Variants in AGAP1 observed in about 807,000 individuals in gnomAD.
AGAP1 encodes the protein arf-GAP with GTPase, ANK repeat and PH domain-containing protein 1.
Under a neutral mutation model 105.3 loss-of-function variants are expected in AGAP1, and 29 were observed. The ratio of observed to expected loss-of-function variants is 0.28; its 90% CI spans 0.21 to 0.38. The LOEUF (loss-of-function observed/expected upper bound fraction) is 0.38, where lower values mean the gene tolerates loss of function less well. AGAP1 is among the 10% of genes least tolerant of loss of function. The probability of loss-of-function intolerance (pLI) is 1.00; values close to 1 mark genes in which losing one functional copy is unlikely to be tolerated. For missense variants in AGAP1, 998 were observed against 1,165.1 expected, an observed-to-expected ratio of 0.86 and a Z score of 2.09; for synonymous variants, 509 against 485.9, an observed-to-expected ratio of 1.05 and a Z score of -0.63.
chr2:235,886,655 A>C (rs551487191), intron 10 of AGAP1, among the ~76,000 whole-genome samples: 2 of 152,190 alleles, frequency 1.3e-5, no homozygotes, highest in Non-Finnish European at 2.9e-5. Context: ...AGCCAATGTC[A>C]TTTTCAAATG....
intron 9 of AGAP1, among the ~76,000 whole-genome samples, chr2:235,851,447 G>A (rs1173365363): frequency 2.0e-5 from 3 of 152,228 alleles, no homozygotes; most frequent in South Asian, 2.1e-4. Flanking sequence ...GTCCACCAAC[G>A]CACCATGTGC....
rs2057389222 is a variant in AGAP1, at chr2:236,036,575, T to G, written c.1660T>G (p.Phe554Val). The G allele has an allele frequency of 6.2e-7, 1 of 1,613,986 alleles. No individual in the cohort carries two copies. Residue 554 changes from phenylalanine (F) to valine (V), a missense_variant, in exon 14 of 18, where the codon TTT (phenylalanine) becomes GTT (valine). Around this residue, in one of 3 missense-constraint regions of AGAP1, gnomAD observed 735 missense variants for 833.4 expected, o/e 0.88. Transcript: ENST00000304032. The surrounding 1 kb of genome is among the most constrained non-coding windows in gnomAD (Gnocchi z 5.7). Reference sequence around the variant, plus strand: ...CTGTGTTTCAGAACAAGAAGAAAATTTTGAGTTTATCATTGTGTCCCTCAC... The same window carrying G: ...CTGTGTTTCAGAACAAGAAGAAAATGTTGAGTTTATCATTGTGTCCCTCAC... ...SGTAEEQEEN[F>V]EFIIVSLTGQ...
chr2:235,676,823 AAGTTAT>A (rs1275941866), intron 1 of AGAP1, among the ~76,000 whole-genome samples: 2 of 152,222 alleles, frequency 1.3e-5, no homozygotes, highest in African/African-American at 4.8e-5. Flanking sequence ...TAATGAAAAA[AAGTTAT>A]AGTTATTGAG....
At chr2:235,537,497 A>C (rs941309614) in intron 1 of AGAP1, among the ~76,000 whole-genome samples, 3 of 152,178 alleles carry the variant, frequency 2.0e-5, no homozygotes, top group South Asian at 2.1e-4. Context: ...TTGCTCAGGC[A>C]GTGGGGAGAG....
chr2:235,951,304 C>T lies in AGAP1; in HGVS notation c.1484-17158C>T, dbSNP rs2053727745. Among the ~76,000 whole-genome samples the T allele has an allele frequency of 6.6e-6, 1 of 152,138 alleles. No homozygotes were observed. The highest frequency in any genetic ancestry group is 1.5e-5 in the Non-Finnish European group (1 of 68,034). ...CCCAAGTAGAATACTCGATCGATGT[C>T]CACAGCACATTCAAATTATCTTTCA... is the stretch of plus-strand genomic sequence containing the variant. On this transcript the variant is annotated intron_variant, in intron 12 of 17. Transcript: ENST00000304032. This position sits in a 1 kb window ranked among gnomAD's most constrained non-coding sequence, Gnocchi z 4.2.
At chr2:236,041,164 C>T (rs1360211862) in intron 15 of AGAP1, among the ~76,000 whole-genome samples, 1 of 151,968 alleles carries the variant, frequency 6.6e-6, no homozygotes, top group South Asian at 2.1e-4. Flanking sequence ...GAATTCAAGA[C>T]GAGCCTGGGC....
rs372311210 is a variant in AGAP1 at position 236,040,832 on chromosome 2, G to A, written c.1882G>A (p.Glu628Lys). The A allele has an allele frequency of 4.6e-5, 75 of 1,614,054 alleles. No individual in the cohort carries two copies. Among genetic ancestry groups the A allele is most frequent in the African/African-American group, 1.1e-4 (8 of 74,924 alleles). Residue 628 changes from glutamate (E) to lysine (K), a missense_variant, in exon 15 of 18, where the codon GAG becomes AAG. Around this residue, in one of 3 missense-constraint regions of AGAP1, gnomAD observed 28 missense variants for 61.0 expected, o/e 0.46. Transcript: ENST00000304032. This position sits in a 1 kb window ranked among gnomAD's most constrained non-coding sequence, Gnocchi z 5.6. ...CGGGAACTCCCACTGTGTGGACTGC[G>A]AGACCCAGAGTAAGTGTGTGCGGTG... ...MRGNSHCVDC[E>K]TQNPNWASLN...
chr2:235,808,138 CT>C (rs1957939923), intron 9 of AGAP1, among the ~76,000 whole-genome samples: 1 of 152,102 alleles, frequency 6.6e-6, no homozygotes, highest in African/African-American at 2.4e-5. Flanking sequence ...ACAGTGGCTT[CT>C]GAAATGTCAT....
rs189504216 is a variant in AGAP1 at position 235,829,298 on chromosome 2, C to G, written c.1050+21967C>G. ...GTGGCCGTTGTCAGAATTCCACTTT[C>G]GTCATCAAGGATTCATTTTCTTTAT... On this transcript the variant is annotated intron_variant, in intron 9 of 17. Coordinates refer to ENST00000304032, the MANE Select transcript of AGAP1 (RefSeq NM_001037131.3). Among the ~76,000 whole-genome samples, 8 of 152,342 alleles carry G rather than the reference C, an allele frequency of 5.3e-5. No individual in the cohort carries two copies. In the East Asian group the frequency reaches 1.5e-3, roughly 29 times the overall value.
rs1328829933 is a variant in AGAP1, at chr2:235,689,923, T to C, written c.164-19256T>C. On this transcript the variant is annotated intron_variant, in intron 1 of 17. Transcript: ENST00000304032. The surrounding 1 kb of genome is among the most constrained non-coding windows in gnomAD (Gnocchi z 4.2). ...AACCTATAGTGTCATTTGTGGTATT[T>C]TTTTTTTTAAATACTGCTTTTGTTT... Among the ~76,000 whole-genome samples the C allele has an allele frequency of 6.6e-6, 1 of 152,212 alleles. No individual in the cohort carries two copies. The highest frequency in any genetic ancestry group is 2.4e-5 in the African/African-American group (1 of 41,452).
intron 1 of AGAP1, among the ~76,000 whole-genome samples, chr2:235,545,254 G>A (rs150735938): frequency 6.6e-6 from 1 of 152,198 alleles, no homozygotes; most frequent in African/African-American, 2.4e-5. Flanking sequence ...GTTGAAAATA[G>A]CGTTAAGTGT....
intron 1 of AGAP1, among the ~76,000 whole-genome samples, chr2:235,511,958 G>T (rs1460770067): frequency 6.6e-6 from 1 of 151,394 alleles, no homozygotes; most frequent in Non-Finnish European, 1.5e-5. Flanking sequence ...GTGAATGTGT[G>T]TGTAAAGGTG....
chr2:235,702,934 G>GTTTTTTTTTTTTTTTTTTTTTTTTTTTTT lies in AGAP1; in HGVS notation c.164-6233_164-6232insTTTTTTTTTTTTTTTTTTTTTTTTTTTTT, dbSNP rs549844265. Among the ~76,000 whole-genome samples the GTTTTTTTTTTTTTTTTTTTTTTTTTTTTT allele has an allele frequency of 1.2e-3, 108 of 88,938 alleles. 24 individuals carry two copies. Among genetic ancestry groups the GTTTTTTTTTTTTTTTTTTTTTTTTTTTTT allele is most frequent in the East Asian group, 0.012 (20 of 1,734 alleles). The allele number at this position is 88,938 out of a possible 152,430, so 58.3% of individuals were successfully genotyped here. ...TGGTCACTGTGAGCCAGTTTTCTTG[G>GTTTTTTTTTTTTTTTTTTTTTTTTTTTTT]TTTTTTTTTTTTGGACAGAGTCTGG... is the stretch of plus-strand genomic sequence containing the variant. On this transcript the variant is annotated intron_variant, in intron 1 of 17. Transcript: ENST00000304032.
At position 236,121,773 on chromosome 2, in the gene AGAP1, G is replaced by C. The variant is rs75639964; in HGVS notation, c.2370+1326G>C. Among the ~76,000 whole-genome samples, 2,214 of 152,314 alleles carry C rather than the reference G, an allele frequency of 0.015. 140 individuals carry two copies. In the East Asian group the frequency reaches 0.18, roughly 12 times the overall value. On this transcript the variant is annotated intron_variant, in intron 17 of 17. Coordinates refer to ENST00000304032, the MANE Select transcript of AGAP1 (RefSeq NM_001037131.3). The surrounding 1 kb of genome is among the most constrained non-coding windows in gnomAD (Gnocchi z 4.9). ...CCATAACAAAATACCACAGACAGGGGTGCTTCAACAACAGACATTTATTTT... is the reference window on the plus strand; with the variant it reads ...CCATAACAAAATACCACAGACAGGGCTGCTTCAACAACAGACATTTATTTT...
chr2:236,033,298 G>A (rs2057282456), intron 13 of AGAP1, among the ~76,000 whole-genome samples: 1 of 152,126 alleles, frequency 6.6e-6, no homozygotes, highest in Non-Finnish European at 1.5e-5. Flanking sequence ...CCACTGTAGG[G>A]AGCACATTTA....
intron 1 of AGAP1, among the ~76,000 whole-genome samples, chr2:235,573,368 G>T (rs1484534703): frequency 6.6e-6 from 1 of 151,906 alleles, no homozygotes; most frequent in Non-Finnish European, 1.5e-5. Flanking sequence ...GTGTGTCCCT[G>T]CACCCGGCTG....
chr2:235,762,581 A>G (rs1050142813), intron 6 of AGAP1, among the ~76,000 whole-genome samples: 11 of 152,272 alleles, frequency 7.2e-5, no homozygotes, highest in African/African-American at 2.4e-4. Flanking sequence ...CCTAAGAGAA[A>G]AATAGGCCAG....
At chr2:236,028,580 C>T (rs1287646948) in intron 13 of AGAP1, among the ~76,000 whole-genome samples, 2 of 152,130 alleles carry the variant, frequency 1.3e-5, no homozygotes, top group Non-Finnish European at 2.9e-5. Flanking sequence ...ATATCTTGCC[C>T]ATTTGCCAAC....
intron 1 of AGAP1, among the ~76,000 whole-genome samples, chr2:235,651,575 A>C (rs1363692807): frequency 6.6e-6 from 1 of 152,198 alleles, no homozygotes; most frequent in Non-Finnish European, 1.5e-5. Flanking sequence ...AAAAACAGTG[A>C]TGTCGACGAC....
Sources: gnomAD v4.1 joint callset for allele counts (sites outside exome capture counted in the v4.1 genomes callset) on GRCh38, gnomAD v4.1.1 for gene constraint, gnomAD v4.1.1 regional missense constraint, Gnocchi (gnomAD v3.1) non-coding constraint, MANE v1.5 for transcripts, NCBI Gene and HGNC (gene_info 2026-07-23, HGNC 2026-07-21) for gene names.